Variants in PLXNC1 observed in about 807,000 individuals in gnomAD.
PLXNC1 encodes plexin-C1.
In PLXNC1, 75 loss-of-function variants were observed where a neutral mutation model predicts 178.2. The ratio of observed to expected loss-of-function variants is 0.42; its 90% confidence interval spans 0.35 to 0.51. The LOEUF (loss-of-function observed/expected upper bound fraction) is 0.51, where lower values mean the gene tolerates loss of function less well. PLXNC1 is among the 20% of genes least tolerant of loss of function. The pLI is 0.02. For missense variants in PLXNC1, 1,503 were observed against 1,984.4 expected, an observed-to-expected ratio of 0.76 and a Z score of 4.61; for synonymous variants, 790 against 779.9, an observed-to-expected ratio of 1.01 and a Z score of -0.22.
intron 4 of PLXNC1, 67 bp from the exon 5 acceptor site, chr12:94,209,523 A>C: frequency 2.3e-6 from 2 of 861,744 alleles, no homozygotes; most frequent in Non-Finnish European, 3.9e-6. Context: ...TAACTAATGC[A>C]CGTATGGGGT....
chr12:94,172,525 C>T (rs2135945125), intron 2 of PLXNC1, among the ~76,000 whole-genome samples: 1 of 152,130 alleles, frequency 6.6e-6, no homozygotes, highest in South Asian at 2.1e-4. Context: ...GCAGAGTCGT[C>T]GGGGGTGAGA....
At chr12:94,279,834 G>A in intron 22 of PLXNC1, 185 bp downstream of exon 22, 2 of 704,290 alleles carry the variant, frequency 2.8e-6, no homozygotes, top group Non-Finnish European at 5.2e-6. Flanking sequence ...TGGGCATCCT[G>A]ATTCTTCGAA....
At chr12:94,194,611 G>A (rs1342967510) in intron 4 of PLXNC1, among the ~76,000 whole-genome samples, 1 of 152,118 alleles carries the variant, frequency 6.6e-6, no homozygotes, top group Non-Finnish European at 1.5e-5. Context: ...AAAATTAGCT[G>A]GGTGTGGTGG....
intron 22 of PLXNC1, chr12:94,279,961 A>C (rs1052710387): frequency 2.2e-6 from 1 of 464,680 alleles, no homozygotes; most frequent in African/African-American, 2.0e-5. Context: ...TTGCATCATG[A>C]AATACAGAAA....
At chr12:94,299,530 C>G (rs141570073) in intron 27 of PLXNC1, among the ~76,000 whole-genome samples, 1 of 152,112 alleles carries the variant, frequency 6.6e-6, no homozygotes, top group East Asian at 1.9e-4. Context: ...CAATTCTCTA[C>G]GCTGGCTTGC....
At chr12:94,223,490 G>A (rs1963851373) in intron 6 of PLXNC1, among the ~76,000 whole-genome samples, 1 of 152,170 alleles carries the variant, frequency 6.6e-6, no homozygotes, top group East Asian at 1.9e-4. Context: ...ATATTTAGGG[G>A]CATGGCCCTG....
chr12:94,272,370 GTAAGCA>G (rs1965625162), intron 21 of PLXNC1: 1 of 152,418 alleles, frequency 6.6e-6, no homozygotes, highest in Non-Finnish European at 1.5e-5. Flanking sequence ...CCAGCAGGAT[GTAAGCA>G]GGGCTGTAGA....
intron 5 of PLXNC1, among the ~76,000 whole-genome samples, chr12:94,218,414 G>A (rs1457914638): frequency 2.0e-5 from 3 of 152,162 alleles, no homozygotes; most frequent in Non-Finnish European, 4.4e-5. Flanking sequence ...GAGGAAGTGA[G>A]AAGTATAACA....
rs1555198027 is a variant in PLXNC1, at chr12:94,197,437, T to TC, written c.1439+10964_1439+10965insC. On this transcript the variant is annotated intron_variant, in intron 4 of 30. Transcript: ENST00000258526. ...TGATAAAATGATACATTAGGCCCCT[T>TC]TCTCTCTCTCTCTCTCTCTCTCTGT... 2.2e-3 allele frequency among the ~76,000 whole-genome samples: 329 copies of TC among 148,580 alleles called. 8 individuals are homozygous for TC. The highest frequency in any genetic ancestry group is 6.9e-3 in the Middle Eastern group (2 of 290).
At chr12:94,164,684 C>CACACACACACACGTACACACACAA (rs1565788077) in intron 1 of PLXNC1, among the ~76,000 whole-genome samples, 3 of 151,278 alleles carry the variant, frequency 2.0e-5, no homozygotes, top group Non-Finnish European at 4.4e-5. Context: ...CACACACACA[C>CACACACACACACGTACACACACAA]ACACACACAC....
chr12:94,268,062 C>T (rs941402419), intron 21 of PLXNC1, among the ~76,000 whole-genome samples: 3 of 152,118 alleles, frequency 2.0e-5, no homozygotes, highest in Non-Finnish European at 2.9e-5. Context: ...AGCATCCTCA[C>T]GAACCACTTG....
In PLXNC1 at chr12:94,151,485, A is replaced by T. The variant is rs1465941571; in HGVS notation, c.1062+1452A>T. Among the ~76,000 whole-genome samples the T allele has an allele frequency of 2.6e-5, 4 of 152,278 alleles. No individual in the cohort carries two copies. In the East Asian group the frequency reaches 7.7e-4, roughly 29 times the overall value. ...AAAACACATATTTGCCTCCTAAATG[A>T]CTTGCTGTTGCCGTACACATATAAT... On this transcript the variant is annotated intron_variant, in intron 1 of 30. Transcript: ENST00000258526.
intron 5 of PLXNC1, among the ~76,000 whole-genome samples, chr12:94,212,484 C>A (rs569724647): frequency 6.7e-6 from 1 of 149,754 alleles, no homozygotes; most frequent in East Asian, 2.0e-4. Context: ...CAGCCCCCCA[C>A]CCCCCGGCAG....
intron 2 of PLXNC1, among the ~76,000 whole-genome samples, chr12:94,173,526 G>A (rs531111748): frequency 6.6e-6 from 1 of 152,262 alleles, no homozygotes; most frequent in African/African-American, 2.4e-5. Context: ...ATCTGCACGG[G>A]TTAACTGGTT....
chr12:94,284,123 A>G (rs918524919), intron 23 of PLXNC1, among the ~76,000 whole-genome samples: 5 of 151,652 alleles, frequency 3.3e-5, no homozygotes, highest in African/African-American at 1.2e-4. Context: ...GGTTTGCAAA[A>G]TATCTCAAGC....
At chr12:94,279,932 G>A (rs1966311926) in intron 22 of PLXNC1, 1 of 544,426 alleles carries the variant, frequency 1.8e-6, no homozygotes, top group Non-Finnish European at 3.4e-6. Context: ...TGCAGGCCCT[G>A]AGACTGCACG....
intron 16 of PLXNC1, 77 bp from the exon 17 acceptor site, chr12:94,255,116 G>C (rs1964803965): frequency 8.6e-7 from 1 of 1,168,906 alleles, no homozygotes; most frequent in Non-Finnish European, 1.3e-6. Context: ...GTCATACTCT[G>C]TGTTAGACAA....
chr12:94,189,516 CA>C (rs1477766667), intron 4 of PLXNC1, among the ~76,000 whole-genome samples: 3 of 152,012 alleles, frequency 2.0e-5, no homozygotes, highest in African/African-American at 4.8e-5. Flanking sequence ...CCCATCTCTA[CA>C]AAAAATATGA....
At chr12:94,261,509 A>T (rs1234406263) in intron 20 of PLXNC1, among the ~76,000 whole-genome samples, 1 of 152,252 alleles carries the variant, frequency 6.6e-6, no homozygotes, top group African/African-American at 2.4e-5. Context: ...TGAAGTACAG[A>T]TGAGAAAACA....
Sources: gnomAD v4.1 joint callset for allele counts (sites outside exome capture counted in the v4.1 genomes callset) on GRCh38, gnomAD v4.1.1 for gene constraint, MANE v1.5 for transcripts, NCBI Gene and HGNC (gene_info 2026-07-23, HGNC 2026-07-21) for gene names.